The following C14orf132 variants were observed in gnomAD, a reference collection of about 807,000 sequenced individuals.
C14orf132 encodes chromosome 14 open reading frame 132, also known as uncharacterized protein C14orf132.
A neutral mutation model predicts 5.8 loss-of-function variants in C14orf132; 6 were observed. The observed-to-expected ratio is 1.03, with a 90% CI of 0.57 to 2.04. The LOEUF is 2.04. Ranked by LOEUF, C14orf132 falls within the 30% of genes most tolerant of loss-of-function variation. The probability of loss-of-function intolerance (pLI) is 0.00; values close to 1 mark genes in which losing one functional copy is unlikely to be tolerated. For missense variants in C14orf132, 125 were observed against 115.8 expected (o/e 1.08, Z -0.37); for synonymous variants, 51 against 49.8 (o/e 1.02, Z -0.10).
chr14:96,053,771 TC>T (rs1379979856), intron 1 of C14orf132, among the ~76,000 whole-genome samples: 1 of 152,062 alleles, frequency 6.6e-6, no homozygotes, highest in Non-Finnish European at 1.5e-5. Flanking sequence ...CCTGTCAGTC[TC>T]CAGCAGCCCA....
chr14:96,071,033 C>T (rs1887693279), intron 1 of C14orf132, among the ~76,000 whole-genome samples: 1 of 152,124 alleles, frequency 6.6e-6, no homozygotes, highest in African/African-American at 2.4e-5. Flanking sequence ...TGTATTAGTC[C>T]ATTATCATGA....
intron 1 of C14orf132, among the ~76,000 whole-genome samples, chr14:96,046,729 C>A (rs1371765419): frequency 6.6e-6 from 1 of 152,226 alleles, no homozygotes; most frequent in African/African-American, 2.4e-5. Flanking sequence ...TATCTAATCA[C>A]AGCTGAGATG....
At position 96,049,644 on chromosome 14, in the gene C14orf132, A is replaced by ATATATACATATATACG. The variant is rs1566823939; in HGVS notation, c.27+10123_27+10124insCATATATACGTATATA. 6.0e-4 allele frequency among the ~76,000 whole-genome samples: 45 copies of ATATATACATATATACG among 75,380 alleles called. 1 individual carries two copies. The highest frequency in any genetic ancestry group is 7.8e-4 in the Admixed American group (4 of 5,144). The allele number at this position is 75,380 out of a possible 152,430, so 49.5% of individuals were successfully genotyped here. On this transcript the variant is annotated intron_variant, in intron 1 of 1. Coordinates refer to ENST00000555004, the MANE Select transcript of C14orf132 (RefSeq NM_001252507.3). ...CGTATATATATACATATATACGTAT[A>ATATATACATATATACG]TATATATATAGAGAGAGAGAGAGAG... is the stretch of plus-strand genomic sequence containing the variant.
At chr14:96,079,136 C>CA (rs1361710357) in intron 1 of C14orf132, among the ~76,000 whole-genome samples, 1 of 152,204 alleles carries the variant, frequency 6.6e-6, no homozygotes, top group Non-Finnish European at 1.5e-5. Context: ...GTCATGGGGC[C>CA]AGGCAGCAAG....
chr14:96,048,049 G>A (rs1408667537), intron 1 of C14orf132, among the ~76,000 whole-genome samples: 1 of 152,128 alleles, frequency 6.6e-6, no homozygotes, highest in Non-Finnish European at 1.5e-5. Flanking sequence ...TTAGCTGGGT[G>A]TGGTGGTGGG....
chr14:96,049,309 T>C (rs901031701), intron 1 of C14orf132, among the ~76,000 whole-genome samples: 3 of 151,862 alleles, frequency 2.0e-5, no homozygotes, highest in Admixed American at 2.0e-4. Flanking sequence ...ATCTCTGCTT[T>C]TTAAATGGAG....
At chr14:96,062,409 A>G (rs914445491) in intron 1 of C14orf132, among the ~76,000 whole-genome samples, 3 of 152,302 alleles carry the variant, frequency 2.0e-5, no homozygotes, top group African/African-American at 7.2e-5. Context: ...CCATTAATCA[A>G]GAAAGAAAAC....
intron 1 of C14orf132, among the ~76,000 whole-genome samples, chr14:96,070,788 A>G (rs1887685884): frequency 2.0e-5 from 3 of 152,206 alleles, no homozygotes; most frequent in African/African-American, 7.2e-5. Context: ...ATTCCAATGG[A>G]AGGTGTGCAG....
At chr14:96,064,468 A>C (rs1199501936) in intron 1 of C14orf132, among the ~76,000 whole-genome samples, 1 of 151,558 alleles carries the variant, frequency 6.6e-6, no homozygotes, top group African/African-American at 2.4e-5. Flanking sequence ...GTATGTATAT[A>C]TATATATGAT....
intron 1 of C14orf132, among the ~76,000 whole-genome samples, chr14:96,056,920 G>T (rs1887200671): frequency 6.6e-6 from 1 of 152,164 alleles, no homozygotes; most frequent in Admixed American, 6.5e-5. Flanking sequence ...GACTTTGGTA[G>T]GTGCTCAAGG....
intron 1 of C14orf132, among the ~76,000 whole-genome samples, chr14:96,075,049 C>T (rs1887824497): frequency 6.6e-6 from 1 of 152,120 alleles, no homozygotes; most frequent in Non-Finnish European, 1.5e-5. Flanking sequence ...ATTTCATGAC[C>T]ATAGTATTTC....
intron 1 of C14orf132, among the ~76,000 whole-genome samples, chr14:96,085,683 C>G (rs923753138): frequency 2.6e-5 from 4 of 152,178 alleles, no homozygotes; most frequent in Non-Finnish European, 5.9e-5. Context: ...CTCATTGACT[C>G]AGAAATTGTG....
intron 1 of C14orf132, among the ~76,000 whole-genome samples, chr14:96,067,150 A>T (rs1887555853): frequency 6.6e-6 from 1 of 152,216 alleles, no homozygotes; most frequent in Non-Finnish European, 1.5e-5. Flanking sequence ...GAAGGGGCTC[A>T]GGAGAGGAAG....
At chr14:96,074,134 C>A (rs1887790297) in intron 1 of C14orf132, among the ~76,000 whole-genome samples, 1 of 152,142 alleles carries the variant, frequency 6.6e-6, no homozygotes. Context: ...CACTTGTTAA[C>A]CTACGTAACA....
intron 1 of C14orf132, among the ~76,000 whole-genome samples, chr14:96,073,150 G>T (rs1250231405): frequency 1.3e-5 from 2 of 150,170 alleles, no homozygotes; most frequent in African/African-American, 2.4e-5. Flanking sequence ...GGAACATCAG[G>T]TTTTTTTTTT....
chr14:96,068,486 G>C (rs1485057242), intron 1 of C14orf132, among the ~76,000 whole-genome samples: 1 of 152,152 alleles, frequency 6.6e-6, no homozygotes, highest in East Asian at 1.9e-4. Context: ...GTAGAAAGAG[G>C]CAGACCCCAC....
At position 96,090,648 on chromosome 14, in the gene C14orf132, C is replaced by A. The variant is rs551857789; in HGVS notation, c.*3913C>A. Reference sequence around the variant, plus strand: ...AGACTCCCTGCTCCACTCTACCCCCCAGAGAGAAATGATTCTCGCTCCTTT... The same window carrying A: ...AGACTCCCTGCTCCACTCTACCCCCAAGAGAGAAATGATTCTCGCTCCTTT... On this transcript the variant is annotated 3_prime_UTR_variant, in exon 2 of 2. Transcript: ENST00000555004. 98 of 456,062 alleles carry A rather than the reference C, an allele frequency of 2.1e-4. No individual in the cohort carries two copies. The highest frequency in any genetic ancestry group is 5.2e-4 in the African/African-American group (26 of 50,184). 28.3% of individuals were successfully genotyped at this position (456,062 alleles called of 1,614,324 possible). A position where few individuals can be genotyped will look rare whatever the true frequency, so the allele number is the denominator to read the frequency against.
intron 1 of C14orf132, among the ~76,000 whole-genome samples, chr14:96,070,388 A>G (rs1056540210): frequency 3.3e-5 from 5 of 152,106 alleles, no homozygotes; most frequent in African/African-American, 1.2e-4. Context: ...ACGGTTACCT[A>G]TCACCGCCTC....
At chr14:96,061,547 C>A (rs909469784) in intron 1 of C14orf132, among the ~76,000 whole-genome samples, 4 of 152,156 alleles carry the variant, frequency 2.6e-5, no homozygotes, top group African/African-American at 9.7e-5. Context: ...GGTTCTGATT[C>A]TCTGTGGGTT....
Sources: allele counts gnomAD v4.1 joint callset (sites outside exome capture counted in the v4.1 genomes callset), GRCh38; gene constraint gnomAD v4.1.1; transcripts MANE v1.5; gene names NCBI Gene and HGNC (gene_info 2026-07-23, HGNC 2026-07-21).